COL4A5: variants seen among roughly 807,000 people sequenced by gnomAD.
The protein encoded by COL4A5 is collagen alpha-5(IV) chain.
A neutral mutation model predicts 130.2 loss-of-function variants in COL4A5; 26 were observed. The observed-to-expected ratio is 0.20, with a 90% CI of 0.15 to 0.28. The LOEUF (loss-of-function observed/expected upper bound fraction) is 0.28. COL4A5 is among the 10% of genes least tolerant of loss of function. COL4A5 has a pLI of 1.00. For missense variants in COL4A5, 1,131 were observed against 1,344.3 expected (o/e 0.84, Z 2.48); for synonymous variants, 496 against 439.6 (o/e 1.13, Z -1.60).
At chrX:108,606,971 T>A in intron 29 of COL4A5, 79 bp downstream of exon 29, 1 of 1,014,140 alleles carries the variant, frequency 9.9e-7, no homozygotes, top group South Asian at 1.9e-5. Context: ...TTATGGGTGA[T>A]AAGCCCAATT....
At chrX:108,567,489 A>C (rs2065991610) in intron 4 of COL4A5, among the ~76,000 whole-genome samples, 1 of 111,915 alleles carries the variant, frequency 8.9e-6, no homozygotes, top group South Asian at 3.7e-4. Context: ...TAGTAATCAT[A>C]GTTTTACATT....
chrX:108,669,712 T>C (rs1434541398), intron 41 of COL4A5, among the ~76,000 whole-genome samples: 1 of 112,187 alleles, frequency 8.9e-6, no homozygotes, highest in Non-Finnish European at 1.9e-5. Context: ...TATTCGTTCT[T>C]ACTAGTAATG....
intron 36 of COL4A5, among the ~76,000 whole-genome samples, chrX:108,629,011 GT>G (rs1460719130): frequency 8.9e-6 from 1 of 111,981 alleles, no homozygotes; most frequent in Non-Finnish European, 1.9e-5. Flanking sequence ...TCTGGAAATT[GT>G]TATATTTTGA....
At chrX:108,473,626 TATA>T (rs1329037607) in intron 1 of COL4A5, among the ~76,000 whole-genome samples, 1 of 43,027 alleles carries the variant, frequency 2.3e-5, no homozygotes, top group Non-Finnish European at 5.0e-5. Context: ...TATATATATA[TATA>T]TATATTTTTT....
intron 37 of COL4A5, among the ~76,000 whole-genome samples, chrX:108,659,473 A>G (rs931637489): frequency 2.7e-5 from 3 of 111,067 alleles, no homozygotes; most frequent in Non-Finnish European, 5.7e-5. Flanking sequence ...TGTTTTATCA[A>G]TTACTGAGAG....
chrX:108,556,603 A>G (rs2065825508), intron 2 of COL4A5, among the ~76,000 whole-genome samples: 1 of 111,418 alleles, frequency 9.0e-6, no homozygotes, highest in South Asian at 3.8e-4. Flanking sequence ...CTTTAGAAAT[A>G]GCCATTTTCT....
In COL4A5 at chrX:108,680,756, T is replaced by C. The variant is rs190856675; in HGVS notation, c.4015+5T>C. On this transcript the variant is annotated splice_donor_5th_base_variant and intron_variant, in intron 45 of 52. Transcript: ENST00000328300. ...CTGGTGTTCCAGGATTCCCAGGTATTTGAAGGGATTTTTGTGGTTTCCCTT... is the reference window on the plus strand; with the variant it reads ...CTGGTGTTCCAGGATTCCCAGGTATCTGAAGGGATTTTTGTGGTTTCCCTT... 43 of 1,205,418 alleles carry C rather than the reference T, an allele frequency of 3.6e-5. No individual in the cohort carries two copies. In the African/African-American group the frequency reaches 5.6e-4, roughly 16 times the overall value.
At chrX:108,450,291 G>C (rs1210663968) in intron 1 of COL4A5, among the ~76,000 whole-genome samples, 1 of 111,646 alleles carries the variant, frequency 9.0e-6, no homozygotes, top group Non-Finnish European at 1.9e-5. Context: ...ACAGGGTCTT[G>C]CTGTGTTGCC....
intron 1 of COL4A5, among the ~76,000 whole-genome samples, chrX:108,535,206 C>T (rs1158232447): frequency 9.1e-6 from 1 of 110,369 alleles, no homozygotes; most frequent in Non-Finnish European, 1.9e-5. Context: ...ATTGCTGGCT[C>T]CCTTTATTAT....
chrX:108,551,732 C>T (rs997247897), intron 2 of COL4A5, among the ~76,000 whole-genome samples: 1 of 111,667 alleles, frequency 9.0e-6, no homozygotes, highest in Admixed American at 9.5e-5. Flanking sequence ...AAAGTAAAAG[C>T]AATCATTCTA....
intron 17 of COL4A5, among the ~76,000 whole-genome samples, chrX:108,583,282 A>G (rs1250711554): frequency 1.8e-5 from 2 of 112,053 alleles, no homozygotes; most frequent in African/African-American, 6.5e-5. Context: ...TCCTCTTACT[A>G]AAAAGGCTTA....
chrX:108,620,274 C>T lies in COL4A5; in HGVS notation c.2525C>T (p.Pro842Leu). 2 of 1,207,250 alleles carry T rather than the reference C, an allele frequency of 1.7e-6. No homozygotes were observed. The highest frequency in any genetic ancestry group is 2.2e-6 in the Non-Finnish European group (2 of 892,502). Residue 842 changes from proline (P) to leucine (L), a missense_variant, in exon 31 of 53, where the codon CCA (proline) becomes CTA (leucine). Transcript: ENST00000328300. ...PIGQPGLHGI[P>L]GEKGDPGPPG... ...TATTAACTAGGTTTACATGGAATAC[C>T]AGGAGAGAAGGGGGATCCAGGACCT... is the stretch of plus-strand genomic sequence containing the variant.
In COL4A5 at chrX:108,695,473, G is replaced by C. The variant is rs780405823; in HGVS notation, c.4994+34G>C. 1.0e-5 allele frequency: 12 copies of C among 1,176,233 alleles called. No individual in the cohort carries two copies. In the African/African-American group the frequency reaches 1.2e-4, roughly 12 times the overall value. Reference sequence around the variant, plus strand: ...CTTATAGCTTTAATTCAGGTCCAAAGCTTCCTTCAGAGATGCTAGGGAAGA... The same window carrying C: ...CTTATAGCTTTAATTCAGGTCCAAACCTTCCTTCAGAGATGCTAGGGAAGA... On this transcript the variant is annotated intron_variant, in intron 52 of 52. Coordinates refer to ENST00000328300, the MANE Select transcript of COL4A5 (RefSeq NM_033380.3).
chrX:108,575,836 TA>T, intron 9 of COL4A5, 73 bp from the exon 10 acceptor site: 2 of 777,248 alleles, frequency 2.6e-6, no homozygotes, highest in Non-Finnish European at 3.8e-6. Context: ...AGACTTTGTG[TA>T]AAAAAAGAAA....
intron 47 of COL4A5, among the ~76,000 whole-genome samples, chrX:108,683,747 A>G (rs538855372): frequency 1.8e-5 from 2 of 111,970 alleles, no homozygotes; most frequent in South Asian, 7.3e-4. Flanking sequence ...TTGATTTTGT[A>G]TCCTGAGACT....
chrX:108,675,199 A>G (rs1198575608), intron 43 of COL4A5, among the ~76,000 whole-genome samples: 2 of 111,486 alleles, frequency 1.8e-5, no homozygotes, highest in East Asian at 5.6e-4. Context: ...AATAAAACTT[A>G]TATGTTCTTT....
At chrX:108,672,069 G>A (rs909623863) in intron 42 of COL4A5, among the ~76,000 whole-genome samples, 3 of 112,027 alleles carry the variant, frequency 2.7e-5, no homozygotes, top group South Asian at 3.7e-4. Flanking sequence ...CAGACTGTTC[G>A]CTGCATCCAC....
At chrX:108,541,892 T>G (rs978926060) in intron 2 of COL4A5, among the ~76,000 whole-genome samples, 3 of 111,901 alleles carry the variant, frequency 2.7e-5, no homozygotes, top group African/African-American at 9.8e-5. Context: ...AATCTCTCCA[T>G]ATTACCTACA....
intron 47 of COL4A5, 89 bp downstream of exon 47, chrX:108,681,977 T>C: frequency 2.3e-6 from 2 of 881,565 alleles, no homozygotes; most frequent in Non-Finnish European, 3.3e-6. Flanking sequence ...TACATAGGTA[T>C]ACACTTGCCA....
Sources: allele counts gnomAD v4.1 joint callset (sites outside exome capture counted in the v4.1 genomes callset), GRCh38; gene constraint gnomAD v4.1.1; transcripts MANE v1.5; gene names NCBI Gene and HGNC (gene_info 2026-07-23, HGNC 2026-07-21).